Variants in DPYD observed in about 807,000 individuals in gnomAD.
DPYD encodes the protein dihydropyrimidine dehydrogenase, also known as dihydropyrimidine dehydrogenase [NADP(+)].
A neutral mutation model predicts 116.2 loss-of-function variants in DPYD; 109 were observed. The ratio of observed to expected loss-of-function variants is 0.94; its 90% CI spans 0.80 to 1.10. The LOEUF is 1.10. Among genes scored for constraint, DPYD ranks in the 50% least tolerant of loss-of-function variants. The probability of loss-of-function intolerance (pLI) is 0.00; values close to 1 mark genes in which losing one functional copy is unlikely to be tolerated. For synonymous variants in DPYD, 440 were observed against 432.0 expected (o/e 1.02, Z -0.23); for missense variants, 1,302 against 1,254.5 (o/e 1.04, Z -0.57).
At chr1:97,379,444 C>T (rs1671813828) in intron 15 of DPYD, among the ~76,000 whole-genome samples, 1 of 152,120 alleles carries the variant, frequency 6.6e-6, no homozygotes, top group Admixed American at 6.6e-5. Context: ...ATTTGATGGC[C>T]CTACTTGTCA....
intron 3 of DPYD, among the ~76,000 whole-genome samples, chr1:97,782,164 T>C (rs2101215624): frequency 6.6e-6 from 1 of 152,336 alleles, no homozygotes; most frequent in South Asian, 2.1e-4. Context: ...TTCCTCATCC[T>C]CTCACACTAA....
intron 21 of DPYD, among the ~76,000 whole-genome samples, chr1:97,085,360 A>C (rs575716538): frequency 6.6e-6 from 1 of 152,364 alleles, no homozygotes; most frequent in African/African-American, 2.4e-5. Context: ...TTCTGTGTAC[A>C]TTAAATATGC....
intron 11 of DPYD, among the ~76,000 whole-genome samples, chr1:97,558,844 T>G (rs1271405546): frequency 6.6e-6 from 1 of 152,180 alleles, no homozygotes; most frequent in Non-Finnish European, 1.5e-5. Context: ...TTCTATCTAT[T>G]TAAGACGCTG....
chr1:97,893,949 C>T (rs973946638), intron 1 of DPYD, among the ~76,000 whole-genome samples: 5 of 151,750 alleles, frequency 3.3e-5, no homozygotes, highest in Non-Finnish European at 5.9e-5. Context: ...TGATATTAAC[C>T]TCACAATTCT....
chr1:97,862,912 CAAA>C (rs1440914263), intron 2 of DPYD, among the ~76,000 whole-genome samples: 1 of 151,706 alleles, frequency 6.6e-6, no homozygotes, highest in Non-Finnish European at 1.5e-5. Context: ...CCCATTTGGA[CAAA>C]ATCATCACAT....
chr1:97,814,086 C>G (rs1365319569), intron 3 of DPYD, among the ~76,000 whole-genome samples: 1 of 152,130 alleles, frequency 6.6e-6, no homozygotes, highest in Admixed American at 6.6e-5. Context: ...TTCACCTAAC[C>G]TTTATTGATC....
At chr1:97,641,804 C>T (rs1397828623) in intron 8 of DPYD, among the ~76,000 whole-genome samples, 1 of 152,190 alleles carries the variant, frequency 6.6e-6, no homozygotes, top group Non-Finnish European at 1.5e-5. Flanking sequence ...AAGAGGAAGT[C>T]AAATTGTCCC....
chr1:97,902,861 C>T lies in DPYD; in HGVS notation c.39+18023G>A, dbSNP rs1489669616. Among the ~76,000 whole-genome samples, 3 of 151,800 alleles carry T rather than the reference C, an allele frequency of 2.0e-5. No individual in the cohort carries two copies. The East Asian group carries it at 5.8e-4, about 29-fold the overall frequency. On this transcript the variant is annotated intron_variant, in intron 1 of 22. Transcript: ENST00000370192. ...TAGAAAACAAACAGCTATTATTTTTCATTTCAATCTAAATAACTGCAATAA... is the reference window on the plus strand; with the variant it reads ...TAGAAAACAAACAGCTATTATTTTTTATTTCAATCTAAATAACTGCAATAA...
chr1:97,316,135 T>C (rs1286354723), intron 16 of DPYD, among the ~76,000 whole-genome samples: 1 of 151,840 alleles, frequency 6.6e-6, no homozygotes, highest in Non-Finnish European at 1.5e-5. Context: ...TCAGTGTAGA[T>C]GCTAATACTC....
At chr1:97,272,797 T>G (rs1219430933) in intron 18 of DPYD, among the ~76,000 whole-genome samples, 1 of 152,098 alleles carries the variant, frequency 6.6e-6, no homozygotes, top group Non-Finnish European at 1.5e-5. Flanking sequence ...CATGAATGAC[T>G]GCTTTAGAAT....
In DPYD at chr1:97,450,937, G is replaced by T. The variant is rs572649581; in HGVS notation, c.1741-714C>A. On this transcript the variant is annotated intron_variant, in intron 13 of 22. Transcript: ENST00000370192. ...CTTCTAAAGCTGTATTAACGAAGAA[G>T]AATAACATTCTTCCATTACTTAAAA... Among the ~76,000 whole-genome samples the T allele has an allele frequency of 3.9e-5, 6 of 152,080 alleles. No homozygotes were observed. In the South Asian group the frequency reaches 1.0e-3, roughly 26 times the overall value.
At chr1:97,126,714 G>C (rs1011700635) in intron 20 of DPYD, among the ~76,000 whole-genome samples, 8 of 152,130 alleles carry the variant, frequency 5.3e-5, no homozygotes, top group African/African-American at 1.9e-4. Flanking sequence ...ATAGCATGCT[G>C]TCTGTCACAG....
At chr1:97,871,009 A>C (rs2101616340) in intron 2 of DPYD, among the ~76,000 whole-genome samples, 1 of 152,042 alleles carries the variant, frequency 6.6e-6, no homozygotes, top group African/African-American at 2.4e-5. Flanking sequence ...TGTTTTGCAA[A>C]GGTAAAATAT....
chr1:97,423,607 G>C (rs1674702406), intron 14 of DPYD, among the ~76,000 whole-genome samples: 1 of 152,092 alleles, frequency 6.6e-6, no homozygotes, highest in Admixed American at 6.6e-5. Context: ...TTGGGGCATT[G>C]AGAGGCAGAT....
At chr1:97,398,538 T>C (rs1428943246) in intron 14 of DPYD, among the ~76,000 whole-genome samples, 2 of 152,244 alleles carry the variant, frequency 1.3e-5, no homozygotes, top group East Asian at 3.9e-4. Flanking sequence ...TTCACAATGG[T>C]TGAACTAGTT....
In DPYD at chr1:97,093,999, C is replaced by T. The variant is rs575150536; in HGVS notation, c.2766+4490G>A. On this transcript the variant is annotated intron_variant, in intron 21 of 22. Transcript: ENST00000370192. ...TATGCAAGCATATGCAAGCCTGGAT[C>T]GTTCTCATATAAACAAAACAATCTT... Among the ~76,000 whole-genome samples, 50 of 152,044 alleles carry T rather than the reference C, an allele frequency of 3.3e-4. 1 individual carries two copies. Among genetic ancestry groups the T allele is most frequent in the African/African-American group, 1.0e-3 (43 of 41,486 alleles).
intron 3 of DPYD, among the ~76,000 whole-genome samples, chr1:97,821,477 A>G (rs1466250032): frequency 6.6e-6 from 1 of 152,218 alleles, no homozygotes; most frequent in Non-Finnish European, 1.5e-5. Context: ...ACAGAGTTGA[A>G]TCAACCAAGA....
chr1:97,425,680 A>G (rs1193782060), intron 14 of DPYD, among the ~76,000 whole-genome samples: 3 of 152,082 alleles, frequency 2.0e-5, no homozygotes, highest in Admixed American at 6.6e-5. Flanking sequence ...AGTACATCTG[A>G]CATTTTGCAA....
intron 19 of DPYD, among the ~76,000 whole-genome samples, chr1:97,230,111 G>T (rs1197749507): frequency 6.6e-6 from 1 of 152,162 alleles, no homozygotes; most frequent in African/African-American, 2.4e-5. Flanking sequence ...TAGGCAAACA[G>T]ATTTCCTCTC....
Sources: gnomAD v4.1 joint callset for allele counts (sites outside exome capture counted in the v4.1 genomes callset) on GRCh38, gnomAD v4.1.1 for gene constraint, MANE v1.5 for transcripts, NCBI Gene and HGNC (gene_info 2026-07-23, HGNC 2026-07-21) for gene names.